Variants in EYS observed in about 807,000 individuals in gnomAD.
EYS encodes the protein EGF-like photoreceptor maintenance factor, also known as protein eyes shut homolog.
In EYS, 250 loss-of-function variants were observed where a neutral mutation model predicts 282.1. The ratio of observed to expected loss-of-function variants is 0.89; its 90% CI spans 0.80 to 0.98. The LOEUF (loss-of-function observed/expected upper bound fraction) is 0.98, where lower values mean the gene tolerates loss of function less well. EYS is among the 50% of genes least tolerant of loss of function. The probability of loss-of-function intolerance (pLI) is 0.00; values close to 1 mark genes in which losing one functional copy is unlikely to be tolerated. For synonymous variants in EYS, 1,355 were observed against 1,282.9 expected, an observed-to-expected ratio of 1.06 and a Z score of -1.20; for missense variants, 4,016 against 3,709.0, an observed-to-expected ratio of 1.08 and a Z score of -2.15.
intron 12 of EYS, among the ~76,000 whole-genome samples, chr6:65,064,131 CATATT>C (rs1018703687): frequency 1.4e-5 from 2 of 141,992 alleles, no homozygotes; most frequent in Non-Finnish European, 3.0e-5. Flanking sequence ...TTATATATTG[CATATT>C]ATAAGTATAT....
chr6:64,506,971 GTT>G (rs36120803), intron 26 of EYS, among the ~76,000 whole-genome samples: 4,626 of 117,848 alleles, frequency 0.039, 362 homozygotes, highest in African/African-American at 0.12. Context: ...TCCAGTTTCA[GTT>G]TTTTTTTTTT....
At chr6:64,835,232 G>C (rs1042994828) in intron 19 of EYS, among the ~76,000 whole-genome samples, 1 of 151,638 alleles carries the variant, frequency 6.6e-6, no homozygotes, top group African/African-American at 2.4e-5. Context: ...AGCACTATTA[G>C]CTTTCTCCAT....
At chr6:64,161,961 C>G (rs887593908) in intron 31 of EYS, among the ~76,000 whole-genome samples, 2 of 151,980 alleles carry the variant, frequency 1.3e-5, no homozygotes, top group Non-Finnish European at 1.5e-5. Context: ...GTTTGTTAAA[C>G]CCAATATATT....
At chr6:65,306,308 C>T (rs1255109863) in intron 11 of EYS, among the ~76,000 whole-genome samples, 1 of 152,168 alleles carries the variant, frequency 6.6e-6, no homozygotes, top group African/African-American at 2.4e-5. Flanking sequence ...AGCCACAGGA[C>T]TGCCCATTCA....
At chr6:64,431,709 T>C (rs189915488) in intron 28 of EYS, among the ~76,000 whole-genome samples, 12 of 152,262 alleles carry the variant, frequency 7.9e-5, no homozygotes, top group Middle Eastern at 3.4e-3. Flanking sequence ...TGATGACCTA[T>C]ACAACCTGAC....
chr6:64,632,552 A>T (rs1767819792), intron 22 of EYS, among the ~76,000 whole-genome samples: 1 of 152,278 alleles, frequency 6.6e-6, no homozygotes, highest in East Asian at 1.9e-4. Flanking sequence ...TTTACACTTC[A>T]CTTACCCCTG....
chr6:65,648,947 C>T (rs1159932181), intron 1 of EYS, among the ~76,000 whole-genome samples: 9 of 151,466 alleles, frequency 5.9e-5, no homozygotes, highest in Non-Finnish European at 1.2e-4. Flanking sequence ...GAGATAGAGA[C>T]CATCCTGGCT....
intron 29 of EYS, among the ~76,000 whole-genome samples, chr6:64,384,277 A>G (rs1019977248): frequency 5.3e-5 from 8 of 152,208 alleles, no homozygotes; most frequent in Non-Finnish European, 1.0e-4. Flanking sequence ...AATTAAAAAA[A>G]ATTAAATTGT....
chr6:64,532,192 C>A (rs1764363972), intron 26 of EYS, among the ~76,000 whole-genome samples: 1 of 152,122 alleles, frequency 6.6e-6, no homozygotes. Flanking sequence ...GAATGATGTT[C>A]TAGAGTTTGG....
At chr6:64,066,064 C>A (rs562506184) in intron 33 of EYS, among the ~76,000 whole-genome samples, 37 of 152,176 alleles carry the variant, frequency 2.4e-4, no homozygotes, top group African/African-American at 8.7e-4. Flanking sequence ...GAGTTTGAGA[C>A]CAGCCTGGCC....
chr6:65,196,978 C>T (rs1212037687), intron 12 of EYS, among the ~76,000 whole-genome samples: 1 of 152,038 alleles, frequency 6.6e-6, no homozygotes, highest in African/African-American at 2.4e-5. Flanking sequence ...ATAACATCAT[C>T]AGGCTCTGTA....
chr6:64,671,296 A>G (rs1412365250), intron 22 of EYS, among the ~76,000 whole-genome samples: 1 of 152,066 alleles, frequency 6.6e-6, no homozygotes, highest in Non-Finnish European at 1.5e-5. Context: ...TGGAGCCCTC[A>G]TGAATGAAAC....
At chr6:64,445,194 T>C (rs1316890527) in intron 26 of EYS, among the ~76,000 whole-genome samples, 1 of 152,198 alleles carries the variant, frequency 6.6e-6, no homozygotes, top group Admixed American at 6.5e-5. Context: ...GTGTTTTCTA[T>C]TTAAATATAT....
intron 30 of EYS, among the ~76,000 whole-genome samples, chr6:64,270,464 T>C (rs1183231827): frequency 6.6e-6 from 1 of 152,118 alleles, no homozygotes; most frequent in Non-Finnish European, 1.5e-5. Flanking sequence ...CGAAAGCACC[T>C]ACGTCTAATC....
chr6:64,383,272 G>A (rs891274863), intron 29 of EYS, among the ~76,000 whole-genome samples: 1 of 152,176 alleles, frequency 6.6e-6, no homozygotes, highest in African/African-American at 2.4e-5. Flanking sequence ...GTGCACTTCA[G>A]CCTGGGTGAC....
chr6:64,005,938 C>T (rs1768324184), intron 33 of EYS, among the ~76,000 whole-genome samples: 1 of 151,910 alleles, frequency 6.6e-6, no homozygotes, highest in African/African-American at 2.4e-5. Context: ...CTTTGGATTG[C>T]CGTGGTTATC....
rs998665906 is a variant in EYS, at chr6:64,978,237, C to G, written c.2259+19345G>C. Among the ~76,000 whole-genome samples, 11 of 151,952 alleles carry G rather than the reference C, an allele frequency of 7.2e-5. No homozygotes were observed. In the South Asian group the frequency reaches 1.9e-3, roughly 26 times the overall value. On this transcript the variant is annotated intron_variant, in intron 14 of 42. Coordinates refer to ENST00000503581, the MANE Select transcript of EYS (RefSeq NM_001142800.2). The stretch of plus-strand genomic sequence containing the variant: ...TGCAATTTGTGACTTGAAGTTGAAG[C>G]CAGTGTTCATTTACCATTCCCCAAA...
Position 65,214,561 on chromosome 6 carries a change from G to A in EYS, c.2023+81302C>T, listed in dbSNP as rs577634862. On this transcript the variant is annotated intron_variant, in intron 12 of 42. Transcript: ENST00000503581. ...TAATAGAAAAGTGCAAGGTGAAGTTGCAAGTGCTGAGTAGAAGTTGTGACA... is the reference window on the plus strand; with the variant it reads ...TAATAGAAAAGTGCAAGGTGAAGTTACAAGTGCTGAGTAGAAGTTGTGACA... Among the ~76,000 whole-genome samples the A allele has an allele frequency of 2.6e-5, 4 of 152,348 alleles. No individual in the cohort carries two copies. In the East Asian group the frequency reaches 5.8e-4, roughly 22 times the overall value.
chr6:63,895,923 T>G (rs1340648479), intron 35 of EYS, among the ~76,000 whole-genome samples: 1 of 151,544 alleles, frequency 6.6e-6, no homozygotes, highest in Admixed American at 6.6e-5. Flanking sequence ...TTTTTTTTTT[T>G]TTTTTTTTTT....
Sources: gnomAD v4.1 joint callset for allele counts (sites outside exome capture counted in the v4.1 genomes callset) on GRCh38, gnomAD v4.1.1 for gene constraint, MANE v1.5 for transcripts, NCBI Gene and HGNC (gene_info 2026-07-23, HGNC 2026-07-21) for gene names.